Variants in TYW1B observed in about 807,000 individuals in gnomAD.
The protein encoded by TYW1B is S-adenosyl-L-methionine-dependent tRNA 4-demethylwyosine synthase TYW1B.
A neutral mutation model predicts 86.9 loss-of-function variants in TYW1B; 73 were observed. The observed-to-expected ratio is 0.84, with a 90% CI of 0.70 to 1.02. The LOEUF is 1.02. Ranked by LOEUF, TYW1B falls within the 50% of genes least tolerant of loss-of-function variation. The pLI is 0.00. For synonymous variants in TYW1B, 248 were observed against 292.8 expected, an observed-to-expected ratio of 0.85 and a Z score of 1.56; for missense variants, 637 against 827.4, an observed-to-expected ratio of 0.77 and a Z score of 2.82.
intron 11 of TYW1B, among the ~76,000 whole-genome samples, chr7:72,664,698 A>G (rs1813419723): frequency 6.6e-6 from 1 of 152,176 alleles, no homozygotes; most frequent in Non-Finnish European, 1.5e-5. Context: ...ACGAATTCCC[A>G]CGACACAAGT....
At chr7:72,777,097 A>T (rs1322713973) in intron 7 of TYW1B, among the ~76,000 whole-genome samples, 13 of 152,166 alleles carry the variant, frequency 8.5e-5, no homozygotes, top group African/African-American at 3.1e-4. Flanking sequence ...ACCTCTACAT[A>T]AACACTTCTA....
At chr7:72,787,838 T>C (rs1318144141) in intron 6 of TYW1B, among the ~76,000 whole-genome samples, 1 of 152,072 alleles carries the variant, frequency 6.6e-6, no homozygotes, top group Non-Finnish European at 1.5e-5. Flanking sequence ...CTTTTCAAGA[T>C]TATAAAGCAC....
rs1788428899 is a variant in TYW1B at position 72,802,955 on chromosome 7, G to A, written c.724-433C>T. ...TTCTTACTTTAAAAATAAAATCTAG[G>A]CTGGGCATGGTGGCTCACACCCATA... On this transcript the variant is annotated intron_variant, in intron 5 of 13. Transcript: ENST00000620995. Among the ~76,000 whole-genome samples the A allele has an allele frequency of 2.0e-5, 3 of 152,088 alleles. No homozygotes were observed. In the South Asian group the frequency reaches 6.2e-4, roughly 31 times the overall value.
At chr7:72,674,729 A>G (rs1813695277) in intron 11 of TYW1B, among the ~76,000 whole-genome samples, 1 of 151,426 alleles carries the variant, frequency 6.6e-6, no homozygotes, top group Non-Finnish European at 1.5e-5. Context: ...AATCTTTTAA[A>G]AAGCACAGTT....
At chr7:72,691,767 C>G (rs1373061122) in intron 11 of TYW1B, among the ~76,000 whole-genome samples, 2 of 152,116 alleles carry the variant, frequency 1.3e-5, no homozygotes, top group Non-Finnish European at 2.9e-5. Flanking sequence ...TAAATAACAT[C>G]AGTATTAATA....
intron 7 of TYW1B, among the ~76,000 whole-genome samples, chr7:72,776,276 T>C (rs1297823130): frequency 6.6e-6 from 1 of 152,090 alleles, no homozygotes; most frequent in Non-Finnish European, 1.5e-5. Flanking sequence ...AAAGATATAC[T>C]ATGAAATGAT....
intron 3 of TYW1B, among the ~76,000 whole-genome samples, chr7:72,813,887 C>T (rs1406319715): frequency 1.3e-5 from 2 of 151,686 alleles, no homozygotes; most frequent in African/African-American, 2.4e-5. Flanking sequence ...TGGTGGTGGG[C>T]ACCTGTAATC....
At chr7:72,719,357 G>A (rs1222838251) in intron 9 of TYW1B, among the ~76,000 whole-genome samples, 6 of 151,772 alleles carry the variant, frequency 4.0e-5, no homozygotes, top group African/African-American at 7.3e-5. Flanking sequence ...TGGGCCGGGC[G>A]TGGTGGCTCA....
intron 3 of TYW1B, among the ~76,000 whole-genome samples, chr7:72,811,125 G>GAC (rs1181849311): frequency 6.6e-6 from 1 of 151,710 alleles, no homozygotes; most frequent in Non-Finnish European, 1.5e-5. Context: ...CAAAAAATTA[G>GAC]ACAGGCGTGG....
intron 11 of TYW1B, among the ~76,000 whole-genome samples, chr7:72,683,068 T>C (rs1813915932): frequency 6.6e-6 from 1 of 152,202 alleles, no homozygotes; most frequent in African/African-American, 2.4e-5. Flanking sequence ...GGAGAACCGA[T>C]TTAACCAGAA....
At position 72,815,971 on chromosome 7, in the gene TYW1B, G is replaced by C. The variant is rs144182678; in HGVS notation, c.136-490C>G. ...CTGAGCCCAGGGGTTAGAGGATACA[G>C]TGAGCTATGATCACACCAATGCACT... is the stretch of plus-strand genomic sequence containing the variant. On this transcript the variant is annotated intron_variant, in intron 2 of 13. Transcript: ENST00000620995. Among the ~76,000 whole-genome samples, 639 of 152,288 alleles carry C rather than the reference G, an allele frequency of 4.2e-3. 4 individuals are homozygous for C. Among genetic ancestry groups the C allele is most frequent in the African/African-American group, 0.015 (606 of 41,564 alleles).
chr7:72,787,826 G>A (rs189626180), intron 6 of TYW1B, among the ~76,000 whole-genome samples: 42 of 151,924 alleles, frequency 2.8e-4, no homozygotes, highest in East Asian at 5.8e-4. Context: ...ATGTCTGTCC[G>A]GCTTTTCAAG....
At chr7:72,597,524 G>A (rs1335922992) in intron 13 of TYW1B, among the ~76,000 whole-genome samples, 1 of 151,930 alleles carries the variant, frequency 6.6e-6, no homozygotes, top group African/African-American at 2.4e-5. Flanking sequence ...TCCAAATGCT[G>A]GTTCTTTGTA....
chr7:72,731,490 T>C (rs1405928446), intron 8 of TYW1B, among the ~76,000 whole-genome samples: 10 of 147,178 alleles, frequency 6.8e-5, no homozygotes, highest in Non-Finnish European at 1.5e-4. Flanking sequence ...TAACCTTGAA[T>C]GTAAATGGAT....
At chr7:72,776,800 G>A in intron 7 of TYW1B, among the ~76,000 whole-genome samples, 1 of 151,414 alleles carries the variant, frequency 6.6e-6, no homozygotes, top group African/African-American at 2.4e-5. Context: ...TTAAAATATA[G>A]ACATAGATAT....
In TYW1B at chr7:72,807,191, C is replaced by T; in HGVS notation, c.598G>A (p.Gly200Arg). 1 of 1,613,988 alleles carries T rather than the reference C, an allele frequency of 6.2e-7. No individual in the cohort carries two copies. Among genetic ancestry groups the T allele is most frequent in the Non-Finnish European group, 8.5e-7 (1 of 1,179,952 alleles). The stretch of plus-strand genomic sequence containing the variant: ...CCGCCACAGGACTTCTTTCTCTCCC[C>T]TTTCTGAAGTGCCTGCAGCTGGGAG... ...FISQLQALQK[G>R]ERKKSCGGHC... Residue 200 changes from glycine to arginine, a missense_variant, in exon 5 of 14, where the codon GGG becomes AGG. Coordinates refer to ENST00000620995, the MANE Select transcript of TYW1B (RefSeq NM_001145440.3).
intron 6 of TYW1B, among the ~76,000 whole-genome samples, chr7:72,792,209 C>A (rs1315950419): frequency 6.6e-6 from 1 of 151,926 alleles, no homozygotes; most frequent in Non-Finnish European, 1.5e-5. Context: ...CACCTGTAAT[C>A]CCAGCTACTC....
In TYW1B at chr7:72,602,261, C is replaced by T. The variant is rs1186993307; in HGVS notation, c.1785+14411G>A. Among the ~76,000 whole-genome samples, 9 of 151,968 alleles carry T rather than the reference C, an allele frequency of 5.9e-5. 1 individual carries two copies. The highest frequency in any genetic ancestry group is 1.3e-4 in the Non-Finnish European group (9 of 68,014). ...GCTCCAGGGTTAACAACTCCAGCGCCGCTATATACACTGCAGTCGAATAGT... is the reference window on the plus strand; with the variant it reads ...GCTCCAGGGTTAACAACTCCAGCGCTGCTATATACACTGCAGTCGAATAGT... On this transcript the variant is annotated intron_variant, in intron 13 of 13. Transcript: ENST00000620995.
At chr7:72,717,478 T>C (rs1554456390) in intron 9 of TYW1B, among the ~76,000 whole-genome samples, 1 of 152,056 alleles carries the variant, frequency 6.6e-6, no homozygotes, top group Non-Finnish European at 1.5e-5. Flanking sequence ...AGATAGAGAA[T>C]GATCTGTCCA....
Sources: gnomAD v4.1 joint callset for allele counts (sites outside exome capture counted in the v4.1 genomes callset) on GRCh38, gnomAD v4.1.1 for gene constraint, MANE v1.5 for transcripts, NCBI Gene and HGNC (gene_info 2026-07-23, HGNC 2026-07-21) for gene names.